The following CACNA2D3 variants were observed in gnomAD, a reference collection of about 807,000 sequenced individuals.
CACNA2D3 encodes the protein calcium voltage-gated channel auxiliary subunit alpha2delta 3.
Under a neutral mutation model 160.6 loss-of-function variants are expected in CACNA2D3, and 60 were observed. The observed-to-expected ratio is 0.37, with a 90% CI of 0.30 to 0.46. The LOEUF (loss-of-function observed/expected upper bound fraction) is 0.46. CACNA2D3 is among the 20% of genes least tolerant of loss of function. The pLI, the probability that CACNA2D3 is intolerant of heterozygous loss-of-function variation, is 1.00. For missense variants in CACNA2D3, 1,205 were observed against 1,365.0 expected (o/e 0.88, Z 1.85); for synonymous variants, 558 against 492.9 (o/e 1.13, Z -1.75).
In CACNA2D3 at chr3:54,569,081, A is replaced by G. The variant is rs541150771; in HGVS notation, c.677-714A>G. On this transcript the variant is annotated intron_variant, in intron 6 of 37. Coordinates refer to ENST00000474759, the MANE Select transcript of CACNA2D3 (RefSeq NM_018398.3). ...TTTCTGTCTTATTTTTAAGCAGCCA[A>G]TGCCTTTCTTTTCAAATGATATTTT... Among the ~76,000 whole-genome samples the G allele has an allele frequency of 3.3e-5, 5 of 152,342 alleles. No homozygotes were observed. In the South Asian group the frequency reaches 1.0e-3, roughly 32 times the overall value.
intron 3 of CACNA2D3, among the ~76,000 whole-genome samples, chr3:54,328,331 G>C (rs536883640): frequency 1.3e-5 from 2 of 152,242 alleles, no homozygotes; most frequent in African/African-American, 2.4e-5. Flanking sequence ...GCCCAGGCTG[G>C]AGTGCAATGG....
chr3:54,778,734 AG>A (rs1240979228), intron 13 of CACNA2D3, among the ~76,000 whole-genome samples: 1 of 152,240 alleles, frequency 6.6e-6, no homozygotes, highest in Non-Finnish European at 1.5e-5. Flanking sequence ...TAAATCTCAT[AG>A]ACTCAGAGAT....
intron 11 of CACNA2D3, among the ~76,000 whole-genome samples, chr3:54,742,136 G>C (rs988634807): frequency 1.3e-5 from 2 of 152,144 alleles, no homozygotes; most frequent in African/African-American, 4.8e-5. Flanking sequence ...AATAGTGCTG[G>C]GGCTGGGTGC....
intron 9 of CACNA2D3, chr3:54,626,179 G>A (rs943979888): frequency 7.0e-6 from 5 of 718,622 alleles, no homozygotes; most frequent in Non-Finnish European, 1.0e-5. Flanking sequence ...CTGCGCAGGC[G>A]CGGACCAGAG....
At chr3:54,459,288 G>A (rs1460182797) in intron 4 of CACNA2D3, among the ~76,000 whole-genome samples, 2 of 149,136 alleles carry the variant, frequency 1.3e-5, no homozygotes, top group East Asian at 2.0e-4. Context: ...TATATACCCA[G>A]TAATGGGATG....
At chr3:54,661,831 C>G (rs75606245) in intron 11 of CACNA2D3, among the ~76,000 whole-genome samples, 11,687 of 147,806 alleles carry the variant, frequency 0.079, 607 homozygotes, top group Middle Eastern at 0.17. Context: ...ACACAGACAT[C>G]TCAGGGATGT....
At chr3:54,550,439 G>A (rs1263822559) in intron 5 of CACNA2D3, among the ~76,000 whole-genome samples, 6 of 152,198 alleles carry the variant, frequency 3.9e-5, no homozygotes, top group Non-Finnish European at 5.9e-5. Context: ...AGTGGCTCCC[G>A]CCAAGAAAGC....
intron 27 of CACNA2D3, among the ~76,000 whole-genome samples, chr3:54,951,615 G>A (rs940224279): frequency 2.6e-5 from 4 of 152,140 alleles, no homozygotes; most frequent in Non-Finnish European, 4.4e-5. Flanking sequence ...GCCACAGGGC[G>A]GCTGGCTCTG....
At chr3:54,517,544 A>G (rs1227907999) in intron 5 of CACNA2D3, among the ~76,000 whole-genome samples, 2 of 152,150 alleles carry the variant, frequency 1.3e-5, no homozygotes, top group Admixed American at 6.5e-5. Flanking sequence ...GGCTGTGCCC[A>G]CCTGCTGCAC....
At chr3:54,229,566 C>T (rs1291926630) in intron 2 of CACNA2D3, among the ~76,000 whole-genome samples, 2 of 151,992 alleles carry the variant, frequency 1.3e-5, no homozygotes, top group African/African-American at 2.4e-5. Flanking sequence ...AACTCCTGGC[C>T]TCAGGTGATC....
At chr3:54,545,691 C>A (rs1448901371) in intron 5 of CACNA2D3, among the ~76,000 whole-genome samples, 1 of 152,170 alleles carries the variant, frequency 6.6e-6, no homozygotes, top group Non-Finnish European at 1.5e-5. Flanking sequence ...GGGGAATGAT[C>A]CTGACCAATT....
At chr3:54,442,109 C>T (rs1559482126) in intron 4 of CACNA2D3, among the ~76,000 whole-genome samples, 3 of 152,154 alleles carry the variant, frequency 2.0e-5, no homozygotes, top group Non-Finnish European at 4.4e-5. Context: ...GTGTCCAGCT[C>T]ATACGCTTAA....
At chr3:54,452,746 A>G (rs1334980961) in intron 4 of CACNA2D3, among the ~76,000 whole-genome samples, 1 of 152,118 alleles carries the variant, frequency 6.6e-6, no homozygotes, top group Non-Finnish European at 1.5e-5. Flanking sequence ...ATGGTTCTGG[A>G]GGCTTGATGT....
chr3:54,925,112 G>A (rs1293376069), intron 27 of CACNA2D3: 2 of 1,613,964 alleles, frequency 1.2e-6, no homozygotes, highest in Non-Finnish European at 1.7e-6. Context: ...GACCCTGCTG[G>A]CTGCAGTCTA....
At chr3:55,054,223 T>C (rs186679061) in intron 35 of CACNA2D3, among the ~76,000 whole-genome samples, 1 of 152,078 alleles carries the variant, frequency 6.6e-6, no homozygotes, top group East Asian at 1.9e-4. Context: ...CTTCAGTGTA[T>C]TTTTTGACTC....
intron 9 of CACNA2D3, among the ~76,000 whole-genome samples, chr3:54,613,234 A>T (rs894228690): frequency 1.2e-4 from 19 of 152,350 alleles, no homozygotes; most frequent in African/African-American, 4.6e-4. Context: ...TGGATAATTT[A>T]ACAAGGTATA....
At chr3:55,072,553 A>C (rs1036006687) in intron 35 of CACNA2D3, among the ~76,000 whole-genome samples, 6 of 152,228 alleles carry the variant, frequency 3.9e-5, no homozygotes, top group African/African-American at 1.2e-4. Flanking sequence ...GTTAATTTCC[A>C]TTTGTTAAGT....
intron 34 of CACNA2D3, among the ~76,000 whole-genome samples, chr3:55,013,095 G>C (rs945934697): frequency 6.6e-5 from 10 of 152,196 alleles, no homozygotes; most frequent in Admixed American, 3.3e-4. Context: ...ACTACAGAGA[G>C]ACCTTGTCAC....
chr3:54,490,263 G>A (rs1251910355), intron 4 of CACNA2D3, among the ~76,000 whole-genome samples: 1 of 152,146 alleles, frequency 6.6e-6, no homozygotes, highest in Non-Finnish European at 1.5e-5. Flanking sequence ...GGAGGTGGGC[G>A]GCACCAATCC....
Sources: gnomAD v4.1 joint callset for allele counts (sites outside exome capture counted in the v4.1 genomes callset) on GRCh38, gnomAD v4.1.1 for gene constraint, MANE v1.5 for transcripts, NCBI Gene and HGNC (gene_info 2026-07-23, HGNC 2026-07-21) for gene names.